The following UBE2O variants were observed in gnomAD, a reference collection of about 807,000 sequenced individuals.
UBE2O encodes the protein (E3-independent) E2 ubiquitin-conjugating enzyme.
A neutral mutation model predicts 125.8 loss-of-function variants in UBE2O; 15 were observed. That is an observed-to-expected ratio of 0.12 (90% CI 0.08 to 0.18). The LOEUF (loss-of-function observed/expected upper bound fraction) is 0.18, where lower values mean the gene tolerates loss of function less well. Ranked by LOEUF, UBE2O falls within the 10% of genes least tolerant of loss-of-function variation. UBE2O has a pLI of 1.00. For missense variants in UBE2O, 1,280 were observed against 1,723.6 expected (o/e 0.74, Z 4.56); for synonymous variants, 708 against 703.2 (o/e 1.01, Z -0.11).
chr17:76,391,404 T>C lies in UBE2O; in HGVS notation c.3418A>G (p.Asn1140Asp), dbSNP rs202061651. The part of the protein sequence containing the change: ...HFSTGGWRLV[N>D]RIESWLETHA... ...GTTTCCAGCCAGGACTCGATACGGT[T>C]CACCAGCCGCCAGCCACCAGTGCTA... Residue 1140 changes from asparagine (N) to aspartate (D), a missense_variant, in exon 18 of 18, where the codon AAC (asparagine) becomes GAC (aspartate). Asn to Asp is a conservative substitution (Grantham distance 23). Around this residue, in one of 10 missense-constraint regions of UBE2O, gnomAD observed 233 missense variants for 279.0 expected, o/e 0.84. Transcript: ENST00000319380. The surrounding 1 kb of genome is among the most constrained non-coding windows in gnomAD (Gnocchi z 8.4). The C allele has an allele frequency of 3.9e-4, 626 of 1,613,356 alleles. No homozygotes were observed. The highest frequency in any genetic ancestry group is 5.1e-4 in the Non-Finnish European group (601 of 1,180,028).
chr17:76,415,828 T>TGTGC (rs1491320241), intron 1 of UBE2O, among the ~76,000 whole-genome samples: 4 of 151,290 alleles, frequency 2.6e-5, no homozygotes, highest in African/African-American at 7.3e-5. Flanking sequence ...TGTGTGTGTG[T>TGTGC]GCATACACAT....
rs776839403 is a variant in UBE2O at position 76,400,434 on chromosome 17, T to C, written c.1004+7A>G. On this transcript the variant is annotated splice_region_variant and intron_variant, in intron 7 of 17. Coordinates refer to ENST00000319380, the MANE Select transcript of UBE2O (RefSeq NM_022066.4). The surrounding 1 kb of genome is among the most constrained non-coding windows in gnomAD (Gnocchi z 4.3). ...CCCTGGGTTGCTGGCAGTAAGGGCA[T>C]GCTTACCTGCCTAGGTTTTCCTGGG... 12 of 1,608,228 alleles carry C rather than the reference T, an allele frequency of 7.5e-6. No individual in the cohort carries two copies. In the East Asian group the frequency reaches 2.5e-4, roughly 33 times the overall value.
At chr17:76,394,880 ATTTT>A (rs200705112) in intron 15 of UBE2O, among the ~76,000 whole-genome samples, 1 of 148,098 alleles carries the variant, frequency 6.8e-6, no homozygotes, top group African/African-American at 2.5e-5. Context: ...TTTCAAAGTA[ATTTT>A]TTTTTTTTTG....
intron 1 of UBE2O, among the ~76,000 whole-genome samples, chr17:76,409,909 A>G (rs2072488380): frequency 6.6e-6 from 1 of 152,212 alleles, no homozygotes; most frequent in South Asian, 2.1e-4. Flanking sequence ...GCCATGAAGA[A>G]AAACTAGGCC....
rs755924631 is a variant in UBE2O, at chr17:76,404,001, TA to T, written c.588+1204del. Among the ~76,000 whole-genome samples the T allele has an allele frequency of 2.5e-4, 38 of 151,056 alleles. No individual in the cohort carries two copies. The highest frequency in any genetic ancestry group is 7.5e-4 in the African/African-American group (31 of 41,128). On this transcript the variant is annotated intron_variant, in intron 3 of 17. Transcript: ENST00000319380. This position sits in a 1 kb window ranked among gnomAD's most constrained non-coding sequence, Gnocchi z 4.3. The stretch of plus-strand genomic sequence containing the variant: ...ACAGAAATCTCTAAGTCCATACTGA[TA>T]AAAAAAAAGAATACATAAATAGGGC...
intron 1 of UBE2O, among the ~76,000 whole-genome samples, chr17:76,429,651 A>G (rs1471999321): frequency 6.6e-6 from 1 of 151,854 alleles, no homozygotes; most frequent in African/African-American, 2.4e-5. Flanking sequence ...CATTAGATGG[A>G]GTAGAAAGCT....
intron 1 of UBE2O, among the ~76,000 whole-genome samples, chr17:76,417,813 C>G (rs909126078): frequency 6.6e-6 from 1 of 152,176 alleles, no homozygotes; most frequent in Non-Finnish European, 1.5e-5. Flanking sequence ...ATGGATGCAT[C>G]AGCGTCCGCG....
intron 1 of UBE2O, among the ~76,000 whole-genome samples, chr17:76,426,473 C>G (rs1355083574): frequency 6.6e-6 from 1 of 152,176 alleles, no homozygotes. Context: ...ACCTTTAGGG[C>G]TTTCTGGCTA....
In UBE2O at chr17:76,396,677, T is replaced by C; in HGVS notation, c.2260A>G (p.Lys754Glu). Residue 754 changes from lysine to glutamate, a missense_variant, in exon 14 of 18, where the codon AAG becomes GAG. Lys to Glu is a moderately conservative substitution (Grantham distance 56, BLOSUM62 1). Around this residue, in one of 10 missense-constraint regions of UBE2O, gnomAD observed 210 missense variants for 268.9 expected, o/e 0.78. Transcript: ENST00000319380. The surrounding 1 kb of genome is among the most constrained non-coding windows in gnomAD (Gnocchi z 6.7). ...GGTGGGATGGGGGGCTCCTCTATCT[T>C]GGGGTGCTCGTCCTCCACCAGCCCA... ...DNGLVEDEHP[K>E]IEEPPIPPLE... is the part of the protein sequence containing the mutation. The C allele has an allele frequency of 6.2e-7, 1 of 1,613,690 alleles. No individual in the cohort carries two copies. Among genetic ancestry groups the C allele is most frequent in the Non-Finnish European group, 8.5e-7 (1 of 1,179,968 alleles).
At chr17:76,445,492 C>T (rs1236966352) in intron 1 of UBE2O, among the ~76,000 whole-genome samples, 6 of 152,146 alleles carry the variant, frequency 3.9e-5, no homozygotes, top group Non-Finnish European at 7.3e-5. Context: ...CCACTGAATA[C>T]TTCTGAGTGG....
chr17:76,396,841 G>A lies in UBE2O; in HGVS notation c.2116-20C>T. The stretch of plus-strand genomic sequence containing the variant: ...CAAGTGCTGGGGGCAGAAGGGAAGT[G>A]CCAGGGTAAGCAGACAGGAAGTCAC... On this transcript the variant is annotated intron_variant, in intron 13 of 17. Transcript: ENST00000319380. This position sits in a 1 kb window ranked among gnomAD's most constrained non-coding sequence, Gnocchi z 6.7. 6.4e-7 allele frequency: 1 copy of A among 1,554,090 alleles called. No homozygotes were observed. Among genetic ancestry groups the A allele is most frequent in the Non-Finnish European group, 8.7e-7 (1 of 1,148,164 alleles).
intron 1 of UBE2O, among the ~76,000 whole-genome samples, chr17:76,420,439 C>G (rs2072690328): frequency 6.6e-6 from 1 of 152,134 alleles, no homozygotes; most frequent in African/African-American, 2.4e-5. Flanking sequence ...GATTTTAGAT[C>G]AATCCCAGTG....
At chr17:76,419,640 G>A (rs1234725472) in intron 1 of UBE2O, among the ~76,000 whole-genome samples, 1 of 152,178 alleles carries the variant, frequency 6.6e-6, no homozygotes, top group African/African-American at 2.4e-5. Flanking sequence ...ATCCCAGCCT[G>A]GGCCAGTTTC....
Position 76,398,961 on chromosome 17 carries a change from G to A in UBE2O, c.1659C>T (p.Thr553=), listed in dbSNP as rs1409156654. 2 of 1,614,056 alleles carry A rather than the reference G, an allele frequency of 1.2e-6. No homozygotes were observed. Among genetic ancestry groups the A allele is most frequent in the Admixed American group, 1.7e-5 (1 of 60,024 alleles). ...RVAVEVVTTM[T]SADVMWQDGS... ...CATCCTGCCACATCACGTCGGCTGA[G>A]GTCATCGTGGTCACCACCTCCACTG... Residue 553 remains threonine (T), a synonymous_variant, in exon 10 of 18, where the codon ACC becomes ACT. Coordinates refer to ENST00000319380, the MANE Select transcript of UBE2O (RefSeq NM_022066.4). This position sits in a 1 kb window ranked among gnomAD's most constrained non-coding sequence, Gnocchi z 5.4.
chr17:76,408,294 T>C (rs1024522288), intron 1 of UBE2O, among the ~76,000 whole-genome samples: 1 of 152,228 alleles, frequency 6.6e-6, no homozygotes, highest in African/African-American at 2.4e-5. Context: ...AACCAGGTGC[T>C]TCCTACCTGG....
In UBE2O at chr17:76,399,768, C is replaced by T. The variant is rs758865506; in HGVS notation, c.1309G>A (p.Asp437Asn). The change falls in exon 9 of 18, where the codon GAT (aspartate) becomes AAT (asparagine). Residue 437 changes from aspartate (D) to asparagine (N), a missense_variant. By Grantham distance (23) the Asp-to-Asn change is conservative (BLOSUM62 1). Around this residue, in one of 10 missense-constraint regions of UBE2O, gnomAD observed 141 missense variants for 141.3 expected, o/e 1.00. Transcript: ENST00000319380. This position sits in a 1 kb window ranked among gnomAD's most constrained non-coding sequence, Gnocchi z 6.9. ...AESASPEETPDGSASPVEMQD... is the reference protein window; with the variant it reads ...AESASPEETPNGSASPVEMQD... ...ATCTCCACTGGACTGGCAGAGCCAT[C>T]GGGCGTCTCCTCAGGGCTGGCAGAC... The T allele has an allele frequency of 3.7e-6, 6 of 1,614,102 alleles. No homozygotes were observed. Among genetic ancestry groups the T allele is most frequent in the East Asian group, 2.2e-5 (1 of 44,898 alleles).
Position 76,398,741 on chromosome 17 carries a change from C to T in UBE2O, c.1783+96G>A, listed in dbSNP as rs942104652. On this transcript the variant is annotated intron_variant, in intron 10 of 17. Transcript: ENST00000319380. The surrounding 1 kb of genome is among the most constrained non-coding windows in gnomAD (Gnocchi z 5.4). The stretch of plus-strand genomic sequence containing the variant: ...AGTCCCCTTCTGGACCTCATTTTAG[C>T]TCTGACCCCAGATCCACTGCCCATT... 1 of 1,531,440 alleles carries T rather than the reference C, an allele frequency of 6.5e-7. No homozygotes were observed. Among genetic ancestry groups the T allele is most frequent in the African/African-American group, 1.4e-5 (1 of 73,440 alleles). The allele number at this position is 1,531,440 out of a possible 1,614,324, so 94.9% of individuals were successfully genotyped here.
At chr17:76,406,481 G>A (rs1025988093) in intron 1 of UBE2O, among the ~76,000 whole-genome samples, 2 of 151,872 alleles carry the variant, frequency 1.3e-5, no homozygotes, top group Admixed American at 6.6e-5. Context: ...TGACCTGGGG[G>A]CACTGAGAGG....
In UBE2O at chr17:76,398,640, A is replaced by G. The variant is rs890723877; in HGVS notation, c.1784-56T>C. Reference sequence around the variant, plus strand: ...CTAAGGGATCCCGGCTAAGGAGCCCACATCTCAAGCCAGTGCAGAGTGCAG... The same window carrying G: ...CTAAGGGATCCCGGCTAAGGAGCCCGCATCTCAAGCCAGTGCAGAGTGCAG... On this transcript the variant is annotated intron_variant, in intron 10 of 17. Transcript: ENST00000319380. This position sits in a 1 kb window ranked among gnomAD's most constrained non-coding sequence, Gnocchi z 5.4. 1.3e-6 allele frequency: 2 copies of G among 1,574,488 alleles called. No homozygotes were observed. Among genetic ancestry groups the G allele is most frequent in the African/African-American group, 2.7e-5 (2 of 74,158 alleles).
Sources: gnomAD v4.1 joint callset for allele counts (sites outside exome capture counted in the v4.1 genomes callset) on GRCh38, gnomAD v4.1.1 for gene constraint, gnomAD v4.1.1 regional missense constraint, Gnocchi (gnomAD v3.1) non-coding constraint, MANE v1.5 for transcripts, NCBI Gene and HGNC (gene_info 2026-07-23, HGNC 2026-07-21) for gene names.